The following KCND3 variants were observed in gnomAD, a reference collection of about 807,000 sequenced individuals.
KCND3 encodes the protein A-type voltage-gated potassium channel KCND3.
Under a neutral mutation model 51.1 loss-of-function variants are expected in KCND3, and 9 were observed. The ratio of observed to expected loss-of-function variants is 0.18; its 90% confidence interval spans 0.11 to 0.31. The LOEUF is 0.31. Among genes scored for constraint, KCND3 ranks in the 10% least tolerant of loss-of-function variants. KCND3 has a pLI of 1.00. For synonymous variants in KCND3, 349 were observed against 368.0 expected (o/e 0.95, Z 0.59); for missense variants, 526 against 903.8 (o/e 0.58, Z 5.36).
intron 3 of KCND3, among the ~76,000 whole-genome samples, chr1:111,781,270 T>G (rs1664370965): frequency 6.6e-6 from 1 of 152,250 alleles, no homozygotes. Context: ...AGTGGGCCTA[T>G]GTGCTCTTCA....
intron 2 of KCND3, among the ~76,000 whole-genome samples, chr1:111,833,311 GC>G (rs749116677): frequency 6.6e-6 from 1 of 152,226 alleles, no homozygotes; most frequent in Non-Finnish European, 1.5e-5. Context: ...GATGATTAGT[GC>G]AGACCTTCCC....
intron 1 of KCND3, among the ~76,000 whole-genome samples, chr1:111,987,835 C>G (rs1675374639): frequency 6.6e-6 from 1 of 151,966 alleles, no homozygotes; most frequent in African/African-American, 2.4e-5. Context: ...AAGAGTTTGA[C>G]AGTGGGAAAG....
chr1:111,828,736 G>A (rs1198728823), intron 2 of KCND3, among the ~76,000 whole-genome samples: 3 of 152,082 alleles, frequency 2.0e-5, no homozygotes, highest in Non-Finnish European at 4.4e-5. Flanking sequence ...CCTTTTACTC[G>A]GATCCACTGC....
At chr1:111,787,592 G>T (rs1664658705) in intron 2 of KCND3, among the ~76,000 whole-genome samples, 1 of 152,178 alleles carries the variant, frequency 6.6e-6, no homozygotes, top group Admixed American at 6.5e-5. Flanking sequence ...AGCAGGACTG[G>T]ACACCACAAG....
At chr1:111,790,209 T>G (rs2101507311) in intron 2 of KCND3, among the ~76,000 whole-genome samples, 1 of 152,282 alleles carries the variant, frequency 6.6e-6, no homozygotes, top group South Asian at 2.1e-4. Flanking sequence ...AGTTACCAAC[T>G]AGTTAAGTGA....
chr1:111,889,347 C>A (rs1669721816), intron 2 of KCND3, among the ~76,000 whole-genome samples: 1 of 152,248 alleles, frequency 6.6e-6, no homozygotes, highest in South Asian at 2.1e-4. Flanking sequence ...CCACTGCCTG[C>A]AATGCCTTCA....
At chr1:111,805,118 C>T (rs995485685) in intron 2 of KCND3, among the ~76,000 whole-genome samples, 2 of 152,208 alleles carry the variant, frequency 1.3e-5, no homozygotes, top group African/African-American at 4.8e-5. Flanking sequence ...AAAGGGCGGC[C>T]TAAGCTGACA....
chr1:111,818,949 C>T (rs986516331), intron 2 of KCND3, among the ~76,000 whole-genome samples: 3 of 152,144 alleles, frequency 2.0e-5, no homozygotes, highest in African/African-American at 4.8e-5. Context: ...TCTCTCATCC[C>T]TGAGGAGAGA....
At chr1:111,943,089 G>A (rs1327965738) in intron 2 of KCND3, among the ~76,000 whole-genome samples, 1 of 152,160 alleles carries the variant, frequency 6.6e-6, no homozygotes, top group South Asian at 2.1e-4. Context: ...CGGGAGAAGG[G>A]GACACCCAGG....
At chr1:111,789,248 C>T (rs949131899) in intron 2 of KCND3, among the ~76,000 whole-genome samples, 1 of 152,230 alleles carries the variant, frequency 6.6e-6, no homozygotes, top group African/African-American at 2.4e-5. Context: ...ATGCCTCCTG[C>T]TGGGGCAGAT....
At chr1:111,865,448 C>T (rs1485339155) in intron 2 of KCND3, among the ~76,000 whole-genome samples, 1 of 152,164 alleles carries the variant, frequency 6.6e-6, no homozygotes, top group Non-Finnish European at 1.5e-5. Context: ...GGGAGTGAGC[C>T]AGCACTCATC....
At chr1:111,817,701 T>C (rs1395129515) in intron 2 of KCND3, among the ~76,000 whole-genome samples, 2 of 152,188 alleles carry the variant, frequency 1.3e-5, no homozygotes. Context: ...CTAACAAAGC[T>C]AAACTTTATG....
At chr1:111,867,232 T>C (rs1668621661) in intron 2 of KCND3, among the ~76,000 whole-genome samples, 1 of 152,054 alleles carries the variant, frequency 6.6e-6, no homozygotes, top group South Asian at 2.1e-4. Flanking sequence ...CATCCTAGGG[T>C]AGAAAACCCA....
At chr1:111,975,112 G>A (rs1424663385) in intron 2 of KCND3, among the ~76,000 whole-genome samples, 1 of 152,176 alleles carries the variant, frequency 6.6e-6, no homozygotes, top group Non-Finnish European at 1.5e-5. Flanking sequence ...AGGGATAACT[G>A]TGCCCAGCCA....
At chr1:111,854,092 T>C in intron 2 of KCND3, 1 of 152,196 alleles carries the variant, frequency 6.6e-6, no homozygotes, top group Non-Finnish European at 1.5e-5. Flanking sequence ...GGGCCCCTCA[T>C]GCTCCTGCTC....
At chr1:111,821,763 T>C (rs1666359126) in intron 2 of KCND3, among the ~76,000 whole-genome samples, 1 of 152,186 alleles carries the variant, frequency 6.6e-6, no homozygotes. Flanking sequence ...CCAGCAGGCA[T>C]GGCCTCCTGC....
At chr1:111,835,160 G>A (rs1667015102) in intron 2 of KCND3, among the ~76,000 whole-genome samples, 1 of 152,180 alleles carries the variant, frequency 6.6e-6, no homozygotes, top group Non-Finnish European at 1.5e-5. Flanking sequence ...TCTAGCTGAG[G>A]GTCTAATTCC....
chr1:111,847,808 G>C (rs1312474651), intron 2 of KCND3, among the ~76,000 whole-genome samples: 1 of 152,240 alleles, frequency 6.6e-6, no homozygotes, highest in Non-Finnish European at 1.5e-5. Context: ...AGGGCAGGGA[G>C]TCCTGGAACT....
At chr1:111,808,949 G>A (rs187333122) in intron 2 of KCND3, among the ~76,000 whole-genome samples, 1 of 152,352 alleles carries the variant, frequency 6.6e-6, no homozygotes, top group African/African-American at 2.4e-5. Context: ...GGGACACCCT[G>A]AATGACCCCA....
Sources: allele counts gnomAD v4.1 joint callset (sites outside exome capture counted in the v4.1 genomes callset), GRCh38; gene constraint gnomAD v4.1.1; transcripts MANE v1.5; gene names NCBI Gene and HGNC (gene_info 2026-07-23, HGNC 2026-07-21).